Variants in GABRB1 observed in about 807,000 individuals in gnomAD.
GABRB1 encodes gamma-aminobutyric acid type A receptor subunit beta1.
In GABRB1, 17 loss-of-function variants were observed where a neutral mutation model predicts 51.6. That is an observed-to-expected ratio of 0.33 (90% confidence interval 0.23 to 0.49). The LOEUF is 0.49. Ranked by LOEUF, GABRB1 falls within the 20% of genes least tolerant of loss-of-function variation. The probability of loss-of-function intolerance (pLI) is 0.99; values close to 1 mark genes in which losing one functional copy is unlikely to be tolerated. For missense variants in GABRB1, 410 were observed against 600.6 expected (o/e 0.68, Z 3.32); for synonymous variants, 247 against 218.9 (o/e 1.13, Z -1.14).
At chr4:47,373,855 T>C (rs974420761) in intron 5 of GABRB1, among the ~76,000 whole-genome samples, 3 of 152,188 alleles carry the variant, frequency 2.0e-5, no homozygotes, top group Admixed American at 6.5e-5. Context: ...CAGCTCAGGA[T>C]GAACAAGGGG....
chr4:47,054,565 A>G (rs1251135387), intron 3 of GABRB1, among the ~76,000 whole-genome samples: 1 of 149,828 alleles, frequency 6.7e-6, no homozygotes, highest in Non-Finnish European at 1.5e-5. Context: ...CATTGTTACT[A>G]TTATTATTAC....
chr4:47,105,755 A>G (rs1714940643), intron 3 of GABRB1, among the ~76,000 whole-genome samples: 1 of 152,084 alleles, frequency 6.6e-6, no homozygotes, highest in Admixed American at 6.6e-5. Flanking sequence ...CTCCAGGCTT[A>G]TGCCATTAGG....
chr4:47,356,514 A>C (rs1726584590), intron 5 of GABRB1, among the ~76,000 whole-genome samples: 1 of 152,178 alleles, frequency 6.6e-6, no homozygotes, highest in Non-Finnish European at 1.5e-5. Context: ...TGCCATCTCT[A>C]GCTACATTTA....
At chr4:47,193,361 A>C (rs114612445) in intron 4 of GABRB1, among the ~76,000 whole-genome samples, 1 of 152,180 alleles carries the variant, frequency 6.6e-6, no homozygotes. Flanking sequence ...AACTCAGGTG[A>C]ATCCGCCTGC....
At chr4:47,132,026 T>G (rs1716438249) in intron 3 of GABRB1, among the ~76,000 whole-genome samples, 1 of 152,320 alleles carries the variant, frequency 6.6e-6, no homozygotes, top group African/African-American at 2.4e-5. Flanking sequence ...AATTTTCATG[T>G]TTTTTTAAAC....
At chr4:47,191,352 C>A (rs147641421) in intron 4 of GABRB1, among the ~76,000 whole-genome samples, 221 of 152,178 alleles carry the variant, frequency 1.5e-3, no homozygotes, top group African/African-American at 5.0e-3. Flanking sequence ...CAAATACAAT[C>A]CCCTCAGAAA....
intron 1 of GABRB1, among the ~76,000 whole-genome samples, chr4:47,003,497 C>A (rs1380161087): frequency 6.6e-6 from 1 of 152,120 alleles, no homozygotes; most frequent in Non-Finnish European, 1.5e-5. Context: ...ATATTTTAAA[C>A]CAAAAGAAAC....
At chr4:47,008,325 G>A (rs1406497921) in intron 1 of GABRB1, among the ~76,000 whole-genome samples, 1 of 151,858 alleles carries the variant, frequency 6.6e-6, no homozygotes, top group African/African-American at 2.4e-5. Flanking sequence ...AATGATAAAT[G>A]GTAAATAAGA....
intron 3 of GABRB1, among the ~76,000 whole-genome samples, chr4:47,132,746 C>G (rs529652630): frequency 1.3e-5 from 2 of 152,248 alleles, no homozygotes; most frequent in Middle Eastern, 3.4e-3. Context: ...CAATCTAGAA[C>G]GTGTTCAGAG....
At chr4:47,090,698 AACCTACT>A (rs1229487065) in intron 3 of GABRB1, among the ~76,000 whole-genome samples, 1 of 152,214 alleles carries the variant, frequency 6.6e-6, no homozygotes, top group African/African-American at 2.4e-5. Flanking sequence ...AACGTTAGAG[AACCTACT>A]ACATTAAAGG....
At chr4:47,340,549 C>T (rs947321138) in intron 5 of GABRB1, among the ~76,000 whole-genome samples, 2 of 152,112 alleles carry the variant, frequency 1.3e-5, no homozygotes, top group African/African-American at 4.8e-5. Flanking sequence ...CACAGACAGG[C>T]ATCTTTTCAC....
chr4:47,350,978 T>A (rs7669958), intron 5 of GABRB1, among the ~76,000 whole-genome samples: 49,377 of 152,168 alleles, frequency 0.32, 8,373 homozygotes, highest in Non-Finnish European at 0.38. Context: ...AACAAAGTGA[T>A]GTTGGATGAG....
intron 5 of GABRB1, among the ~76,000 whole-genome samples, chr4:47,371,262 T>G (rs994725976): frequency 6.6e-6 from 1 of 152,196 alleles, no homozygotes; most frequent in African/African-American, 2.4e-5. Flanking sequence ...GGAAAGAACA[T>G]GATATCATTC....
intron 3 of GABRB1, among the ~76,000 whole-genome samples, chr4:47,153,614 A>G (rs1030944373): frequency 5.9e-5 from 9 of 152,066 alleles, no homozygotes. Context: ...GGTTCATTTT[A>G]TTGGAATCCA....
At chr4:47,051,858 A>G (rs187294383) in intron 3 of GABRB1, among the ~76,000 whole-genome samples, 4 of 152,222 alleles carry the variant, frequency 2.6e-5, no homozygotes, top group African/African-American at 7.2e-5. Flanking sequence ...GCTGGGTGAC[A>G]TGACTCACGC....
intron 5 of GABRB1, among the ~76,000 whole-genome samples, chr4:47,401,690 G>C (rs1467760595): frequency 6.6e-6 from 1 of 152,172 alleles, no homozygotes. Context: ...AAGGAATCTG[G>C]GTTGAATATA....
At chr4:47,356,885 G>A (rs976789069) in intron 5 of GABRB1, among the ~76,000 whole-genome samples, 3 of 152,146 alleles carry the variant, frequency 2.0e-5, no homozygotes, top group South Asian at 2.1e-4. Context: ...GATTACAGTA[G>A]GTCCTATATG....
intron 5 of GABRB1, among the ~76,000 whole-genome samples, chr4:47,342,755 C>A (rs1725949618): frequency 6.6e-6 from 1 of 152,024 alleles, no homozygotes; most frequent in African/African-American, 2.4e-5. Flanking sequence ...AGCATGACAC[C>A]AAAGTACAAT....
At chr4:47,011,739 A>T (rs1475763412) in intron 1 of GABRB1, among the ~76,000 whole-genome samples, 2 of 151,960 alleles carry the variant, frequency 1.3e-5, no homozygotes, top group South Asian at 2.1e-4. Flanking sequence ...AAGGGGAAAA[A>T]CTTCCCCTTT....
Sources: gnomAD v4.1 joint callset for allele counts (sites outside exome capture counted in the v4.1 genomes callset) on GRCh38, gnomAD v4.1.1 for gene constraint, MANE v1.5 for transcripts, NCBI Gene and HGNC (gene_info 2026-07-23, HGNC 2026-07-21) for gene names.